Variants in GRIA4 observed in about 807,000 individuals in gnomAD.
GRIA4 encodes glutamate receptor 4.
GRIA4 carries 34 observed loss-of-function variants against 104.0 expected under a neutral mutation model. The observed-to-expected ratio is 0.33, with a 90% CI of 0.25 to 0.44. The LOEUF (loss-of-function observed/expected upper bound fraction) is 0.44. Ranked by LOEUF, GRIA4 falls within the 20% of genes least tolerant of loss-of-function variation. The probability of loss-of-function intolerance (pLI) is 1.00; values close to 1 mark genes in which losing one functional copy is unlikely to be tolerated. For synonymous variants in GRIA4, 386 were observed against 381.9 expected (o/e 1.01, Z -0.13); for missense variants, 750 against 1,096.5 (o/e 0.68, Z 4.46).
chr11:105,832,930 A>T (rs766653205), intron 4 of GRIA4, among the ~76,000 whole-genome samples: 11 of 152,052 alleles, frequency 7.2e-5, no homozygotes, highest in Non-Finnish European at 1.0e-4. Flanking sequence ...AAATCTTACA[A>T]GTATGAAATT....
chr11:105,616,152 A>T (rs1229815893), intron 3 of GRIA4, among the ~76,000 whole-genome samples: 1 of 151,220 alleles, frequency 6.6e-6, no homozygotes, highest in Non-Finnish European at 1.5e-5. Flanking sequence ...AAACTTTGAT[A>T]GAAAGGACTA....
At chr11:105,814,012 C>G (rs1056167240) in intron 4 of GRIA4, among the ~76,000 whole-genome samples, 2 of 151,762 alleles carry the variant, frequency 1.3e-5, no homozygotes, top group Admixed American at 6.6e-5. Flanking sequence ...ATAGCAACAA[C>G]AAAAAAAGGC....
chr11:105,695,735 G>A (rs1953254338), intron 3 of GRIA4, among the ~76,000 whole-genome samples: 1 of 152,060 alleles, frequency 6.6e-6, no homozygotes, highest in Non-Finnish European at 1.5e-5. Context: ...TCTTTGATAG[G>A]AGATGAGAAT....
intron 3 of GRIA4, among the ~76,000 whole-genome samples, chr11:105,730,867 A>G (rs986804169): frequency 6.6e-6 from 1 of 152,174 alleles, no homozygotes; most frequent in African/African-American, 2.4e-5. Flanking sequence ...AACTTTATAC[A>G]AGGATTAACT....
chr11:105,711,741 A>G (rs1359161541), intron 3 of GRIA4, among the ~76,000 whole-genome samples: 2 of 152,180 alleles, frequency 1.3e-5, no homozygotes, highest in East Asian at 1.9e-4. Flanking sequence ...CCAAGACATT[A>G]TAAGTAATGT....
At chr11:105,791,337 T>C (rs528775633) in intron 4 of GRIA4, among the ~76,000 whole-genome samples, 1 of 150,294 alleles carries the variant, frequency 6.7e-6, no homozygotes, top group African/African-American at 2.5e-5. Context: ...TACTAATATG[T>C]CCAAACGAAG....
At chr11:105,686,343 C>T (rs187441987) in intron 3 of GRIA4, among the ~76,000 whole-genome samples, 4 of 152,096 alleles carry the variant, frequency 2.6e-5, no homozygotes, top group East Asian at 1.9e-4. Flanking sequence ...AATGTTCCTG[C>T]GTTAATTCAC....
intron 14 of GRIA4, chr11:105,965,824 GGAT>G (rs1397259754): frequency 8.2e-6 from 6 of 731,220 alleles, no homozygotes; most frequent in Non-Finnish European, 1.4e-5. Context: ...AGGGGCTGCA[GGAT>G]GGTAAAATGA....
intron 3 of GRIA4, among the ~76,000 whole-genome samples, chr11:105,666,280 T>C (rs191142233): frequency 1.6e-4 from 24 of 152,154 alleles, no homozygotes; most frequent in Non-Finnish European, 2.6e-4. Flanking sequence ...TCAAACAATA[T>C]ATTTTGAATA....
At chr11:105,898,921 A>G (rs1389351882) in intron 7 of GRIA4, among the ~76,000 whole-genome samples, 1 of 152,202 alleles carries the variant, frequency 6.6e-6, no homozygotes, top group South Asian at 2.1e-4. Flanking sequence ...ATTTGCTCAG[A>G]AAAAGCTGGT....
intron 3 of GRIA4, among the ~76,000 whole-genome samples, chr11:105,695,488 G>C (rs1456045287): frequency 8.0e-6 from 1 of 124,966 alleles, no homozygotes; most frequent in East Asian, 2.7e-4. Context: ...CTGTGTGTGT[G>C]TGTGTGTGTG....
intron 3 of GRIA4, among the ~76,000 whole-genome samples, chr11:105,685,182 AGAGG>A (rs1234867553): frequency 4.0e-4 from 49 of 121,820 alleles, no homozygotes; most frequent in African/African-American, 1.4e-3. Context: ...AGGGAGGGAG[AGAGG>A]GAGGGAGGGA....
chr11:105,712,978 T>G (rs1953965042), intron 3 of GRIA4, among the ~76,000 whole-genome samples: 1 of 152,156 alleles, frequency 6.6e-6, no homozygotes, highest in African/African-American at 2.4e-5. Flanking sequence ...GATGAGATAT[T>G]GAATATCATA....
chr11:105,871,553 T>C (rs543107162), intron 5 of GRIA4, among the ~76,000 whole-genome samples: 4 of 151,578 alleles, frequency 2.6e-5, no homozygotes, highest in Non-Finnish European at 4.4e-5. Flanking sequence ...AATGTAAATA[T>C]GTCTAACTGA....
chr11:105,697,872 A>C (rs906102447), intron 3 of GRIA4, among the ~76,000 whole-genome samples: 5 of 148,852 alleles, frequency 3.4e-5, no homozygotes, highest in Non-Finnish European at 7.5e-5. Context: ...CTTTCTCTGG[A>C]GTGAAAGAGA....
intron 3 of GRIA4, among the ~76,000 whole-genome samples, chr11:105,746,372 C>A (rs1354001920): frequency 6.7e-6 from 1 of 148,926 alleles, no homozygotes; most frequent in Non-Finnish European, 1.5e-5. Context: ...TAGGCAACAT[C>A]AAAAATAATT....
At chr11:105,765,792 C>G (rs1940906938) in intron 4 of GRIA4, among the ~76,000 whole-genome samples, 1 of 152,146 alleles carries the variant, frequency 6.6e-6, no homozygotes, top group African/African-American at 2.4e-5. Context: ...GCAACAGGCA[C>G]AGTATAGCCT....
chr11:105,611,634 CT>C (rs1180190301), intron 2 of GRIA4, among the ~76,000 whole-genome samples: 1 of 151,994 alleles, frequency 6.6e-6, no homozygotes, highest in East Asian at 1.9e-4. Context: ...ATTTTGTTTT[CT>C]TCTTGAAGCT....
At chr11:105,638,792 T>C (rs1565424174) in intron 3 of GRIA4, among the ~76,000 whole-genome samples, 2 of 152,178 alleles carry the variant, frequency 1.3e-5, no homozygotes, top group Non-Finnish European at 2.9e-5. Flanking sequence ...TTATTTCTTT[T>C]TCTATCTTTC....
Sources: gnomAD v4.1 joint callset for allele counts (sites outside exome capture counted in the v4.1 genomes callset) on GRCh38, gnomAD v4.1.1 for gene constraint, MANE v1.5 for transcripts, NCBI Gene and HGNC (gene_info 2026-07-23, HGNC 2026-07-21) for gene names.